Variants in UIMC1 observed in about 807,000 individuals in gnomAD.
The protein encoded by UIMC1 is ubiquitin interaction motif containing 1.
UIMC1 carries 42 observed loss-of-function variants against 84.9 expected under a neutral mutation model. That is an observed-to-expected ratio of 0.49 (90% CI 0.39 to 0.64). The LOEUF (loss-of-function observed/expected upper bound fraction) is 0.64. Ranked by LOEUF, UIMC1 falls within the 30% of genes least tolerant of loss-of-function variation. The pLI, the probability that UIMC1 is intolerant of heterozygous loss-of-function variation, is 0.00. For missense variants in UIMC1, 825 were observed against 847.6 expected (o/e 0.97, Z 0.33); for synonymous variants, 281 against 293.0 (o/e 0.96, Z 0.42).
intron 9 of UIMC1, among the ~76,000 whole-genome samples, chr5:176,945,297 A>G (rs1334628005): frequency 6.6e-6 from 1 of 152,202 alleles, no homozygotes; most frequent in East Asian, 1.9e-4. Flanking sequence ...TCTTAAAACG[A>G]AAAGTTGTAA....
chr5:176,972,152 G>A (rs1218320993), intron 3 of UIMC1, among the ~76,000 whole-genome samples: 1 of 151,994 alleles, frequency 6.6e-6, no homozygotes, highest in African/African-American at 2.4e-5. Context: ...TGTAATCCCA[G>A]CACTTTGGGA....
chr5:177,003,354 G>A (rs1292760947), intron 1 of UIMC1, among the ~76,000 whole-genome samples: 1 of 152,066 alleles, frequency 6.6e-6, no homozygotes, highest in Non-Finnish European at 1.5e-5. Context: ...GTTGTATGGA[G>A]GATATAAAAC....
intron 6 of UIMC1, among the ~76,000 whole-genome samples, chr5:176,966,505 AAAAGTC>A (rs1768328461): frequency 6.6e-6 from 1 of 152,242 alleles, no homozygotes; most frequent in Non-Finnish European, 1.5e-5. Context: ...AAACAAAACC[AAAAGTC>A]AAAGTCTGGT....
At chr5:176,925,239 T>TG (rs1490037389) in intron 10 of UIMC1, among the ~76,000 whole-genome samples, 1 of 151,896 alleles carries the variant, frequency 6.6e-6, no homozygotes, top group East Asian at 1.9e-4. Context: ...AACAATCATG[T>TG]GAAAAAAAGT....
intron 1 of UIMC1, among the ~76,000 whole-genome samples, chr5:176,984,596 G>C (rs1194783610): frequency 1.3e-5 from 2 of 152,104 alleles, no homozygotes; most frequent in African/African-American, 2.4e-5. Context: ...GCTCCGAAGA[G>C]ACAGCGACCA....
At chr5:176,995,339 A>G (rs1773445937) in intron 1 of UIMC1, among the ~76,000 whole-genome samples, 1 of 151,792 alleles carries the variant, frequency 6.6e-6, no homozygotes, top group African/African-American at 2.4e-5. Flanking sequence ...GCTTGAGGAC[A>G]AGGATTTGAG....
At chr5:176,935,699 G>C (rs1290693520) in intron 10 of UIMC1, among the ~76,000 whole-genome samples, 2 of 152,128 alleles carry the variant, frequency 1.3e-5, no homozygotes, top group African/African-American at 4.8e-5. Context: ...GGCATATATA[G>C]AACAGAACAA....
intron 10 of UIMC1, among the ~76,000 whole-genome samples, chr5:176,937,827 T>TTACG (rs1763895065): frequency 6.6e-6 from 1 of 151,892 alleles, no homozygotes; most frequent in Admixed American, 6.6e-5. Flanking sequence ...TACTGGGAGG[T>TTACG]TACGTCCTCT....
intron 2 of UIMC1, among the ~76,000 whole-genome samples, chr5:176,976,754 T>C (rs941844943): frequency 5.9e-5 from 9 of 152,238 alleles, no homozygotes; most frequent in African/African-American, 2.2e-4. Context: ...AGATCAGTGG[T>C]TGTCAAGGGC....
chr5:176,966,295 AG>A (rs1254368002), intron 6 of UIMC1, among the ~76,000 whole-genome samples: 3 of 152,270 alleles, frequency 2.0e-5, no homozygotes, highest in African/African-American at 7.2e-5. Context: ...GTCGAAAGAT[AG>A]GAATTGTTAT....
intron 10 of UIMC1, among the ~76,000 whole-genome samples, chr5:176,928,369 C>T (rs1762646510): frequency 6.6e-6 from 1 of 152,026 alleles, no homozygotes; most frequent in Non-Finnish European, 1.5e-5. Flanking sequence ...TTTCTGAGGG[C>T]CTACCTGCAC....
chr5:176,929,818 T>C (rs367759294), intron 10 of UIMC1, among the ~76,000 whole-genome samples: 57 of 152,204 alleles, frequency 3.7e-4, no homozygotes, highest in Non-Finnish European at 7.2e-4. Flanking sequence ...GAAAGTGGTA[T>C]GAAAATCAGG....
intron 1 of UIMC1, among the ~76,000 whole-genome samples, chr5:176,988,549 T>C (rs1044714881): frequency 1.1e-4 from 16 of 152,216 alleles, no homozygotes; most frequent in Middle Eastern, 3.4e-3. Context: ...TTAATGGATA[T>C]AAGGTTTATT....
intron 6 of UIMC1, among the ~76,000 whole-genome samples, chr5:176,964,400 T>C (rs1561837301): frequency 1.3e-5 from 2 of 152,216 alleles, no homozygotes; most frequent in South Asian, 4.1e-4. Context: ...TGACAAGCAA[T>C]TTGGCAATAA....
intron 11 of UIMC1, 141 bp downstream of exon 11, chr5:176,911,170 G>A (rs868843585): frequency 5.3e-6 from 1 of 187,768 alleles, no homozygotes; most frequent in Non-Finnish European, 9.3e-6. Flanking sequence ...GAAAAGAAAA[G>A]AAAAGAAAAT....
chr5:177,004,369 T>A (rs1025410837), intron 1 of UIMC1, among the ~76,000 whole-genome samples: 1 of 152,102 alleles, frequency 6.6e-6, no homozygotes, highest in Non-Finnish European at 1.5e-5. Context: ...CCACAGTAAT[T>A]CTAAAAACGT....
intron 1 of UIMC1, among the ~76,000 whole-genome samples, chr5:177,015,290 C>T (rs376211188): frequency 6.6e-6 from 1 of 152,190 alleles, no homozygotes; most frequent in African/African-American, 2.4e-5. Flanking sequence ...TCACATAACT[C>T]ATGCATGCAG....
In UIMC1 at chr5:177,006,695, G is replaced by A. The variant is rs532184614; in HGVS notation, c.-54C>T. The A allele has an allele frequency of 6.6e-6, 1 of 152,294 alleles. No individual in the cohort carries two copies. Among genetic ancestry groups the A allele is most frequent in the South Asian group, 2.1e-4 (1 of 4,820 alleles). 9.4% of individuals were successfully genotyped at this position (152,294 alleles called of 1,614,324 possible). A position where few individuals can be genotyped will look rare whatever the true frequency, so the allele number is the denominator to read the frequency against. On this transcript the variant is annotated 5_prime_UTR_variant, in exon 1 of 15. Coordinates refer to ENST00000511320, the MANE Select transcript of UIMC1 (RefSeq NM_001199298.2). ...GTAGACCTTCTCCGGGTTGCCGGGG[G>A]TCGCGAGCCGCCACACGTTGGGAGC...
At chr5:176,931,444 A>C (rs1273027522) in intron 10 of UIMC1, among the ~76,000 whole-genome samples, 2 of 152,220 alleles carry the variant, frequency 1.3e-5, no homozygotes, top group Non-Finnish European at 2.9e-5. Context: ...AAAACTGCTA[A>C]GAGAAATCCT....
Sources: allele counts gnomAD v4.1 joint callset (sites outside exome capture counted in the v4.1 genomes callset), GRCh38; gene constraint gnomAD v4.1.1; transcripts MANE v1.5; gene names NCBI Gene and HGNC (gene_info 2026-07-23, HGNC 2026-07-21).